GPC5: variants seen among roughly 807,000 people sequenced by gnomAD.
GPC5 encodes the protein glypican 5.
A neutral mutation model predicts 53.9 loss-of-function variants in GPC5; 47 were observed. The ratio of observed to expected loss-of-function variants is 0.87; its 90% CI spans 0.69 to 1.11. The LOEUF is 1.11. GPC5 is among the 50% of genes most tolerant of loss of function. GPC5 has a pLI of 0.00. For synonymous variants in GPC5, 286 were observed against 263.3 expected, an observed-to-expected ratio of 1.09 and a Z score of -0.84; for missense variants, 748 against 713.1, an observed-to-expected ratio of 1.05 and a Z score of -0.56.
At chr13:92,378,978 T>C (rs1315912841) in intron 7 of GPC5, among the ~76,000 whole-genome samples, 3 of 152,220 alleles carry the variant, frequency 2.0e-5, no homozygotes, top group African/African-American at 7.2e-5. Flanking sequence ...CCATATGATA[T>C]GCAGTCATAG....
chr13:92,470,704 A>AT (rs1236531725), intron 7 of GPC5, among the ~76,000 whole-genome samples: 1 of 152,078 alleles, frequency 6.6e-6, no homozygotes, highest in African/African-American at 2.4e-5. Flanking sequence ...AGAAATAAGT[A>AT]TTTTTTACTG....
intron 6 of GPC5, among the ~76,000 whole-genome samples, chr13:92,071,602 T>G (rs1439313295): frequency 1.3e-5 from 2 of 152,146 alleles, no homozygotes; most frequent in East Asian, 3.9e-4. Context: ...GTCATTTATA[T>G]GTCAATTCTT....
At chr13:91,734,343 C>T (rs1413228243) in intron 4 of GPC5, among the ~76,000 whole-genome samples, 6 of 151,252 alleles carry the variant, frequency 4.0e-5, no homozygotes, top group South Asian at 2.1e-4. Flanking sequence ...GGGGATTGTG[C>T]GATGGGTAAG....
intron 7 of GPC5, among the ~76,000 whole-genome samples, chr13:92,616,060 TCAAA>T (rs1345065838): frequency 3.3e-5 from 5 of 151,382 alleles, no homozygotes; most frequent in South Asian, 2.1e-4. Context: ...TCTCAAAAAA[TCAAA>T]CAAACAAACA....
chr13:92,154,745 A>T (rs1201812988), intron 7 of GPC5, among the ~76,000 whole-genome samples: 1 of 152,120 alleles, frequency 6.6e-6, no homozygotes, highest in Admixed American at 6.6e-5. Context: ...ATTGTCACAA[A>T]CCTGGAATGA....
intron 3 of GPC5, among the ~76,000 whole-genome samples, chr13:91,695,900 A>T (rs1456314069): frequency 1.3e-5 from 2 of 152,136 alleles, no homozygotes; most frequent in Non-Finnish European, 2.9e-5. Context: ...CCTGTAGAAA[A>T]TCTTCTGTGT....
chr13:92,430,871 C>T (rs963190471), intron 7 of GPC5, among the ~76,000 whole-genome samples: 10 of 151,882 alleles, frequency 6.6e-5, no homozygotes, highest in African/African-American at 2.2e-4. Context: ...AAATGTAAAG[C>T]TTTACATTTG....
intron 7 of GPC5, among the ~76,000 whole-genome samples, chr13:92,434,437 C>T (rs1291595016): frequency 6.6e-6 from 1 of 151,786 alleles, no homozygotes; most frequent in Non-Finnish European, 1.5e-5. Flanking sequence ...AGTTATAGTC[C>T]TATATACTAC....
chr13:91,463,633 C>A (rs1402445042), intron 2 of GPC5, among the ~76,000 whole-genome samples: 1 of 151,052 alleles, frequency 6.6e-6, no homozygotes, highest in Non-Finnish European at 1.5e-5. Flanking sequence ...CCACAACAGA[C>A]CTACACAAAT....
intron 7 of GPC5, among the ~76,000 whole-genome samples, chr13:92,221,536 T>A (rs2042448525): frequency 6.6e-6 from 1 of 152,128 alleles, no homozygotes; most frequent in African/African-American, 2.4e-5. Flanking sequence ...CTCTCCCACA[T>A]GGGCCACTTC....
At chr13:91,559,630 G>C (rs2031148609) in intron 2 of GPC5, among the ~76,000 whole-genome samples, 1 of 152,082 alleles carries the variant, frequency 6.6e-6, no homozygotes, top group African/African-American at 2.4e-5. Context: ...ACATGAAACT[G>C]GCTGTATTGA....
Position 92,438,523 on chromosome 13 carries a change from G to C in GPC5, c.1561+293534G>C, listed in dbSNP as rs548675675. Among the ~76,000 whole-genome samples, 196 of 151,892 alleles carry C rather than the reference G, an allele frequency of 1.3e-3. 1 individual carries two copies. The highest frequency in any genetic ancestry group is 4.6e-3 in the African/African-American group (189 of 41,444). ...TTGCATTGAGGGAGAGAAGAGCAAT[G>C]GGAAAACCTTTAAAGCTTTTAATCA... On this transcript the variant is annotated intron_variant, in intron 7 of 7. Transcript: ENST00000377067.
intron 7 of GPC5, among the ~76,000 whole-genome samples, chr13:92,209,130 T>G (rs1345371439): frequency 6.6e-6 from 1 of 152,256 alleles, no homozygotes; most frequent in Non-Finnish European, 1.5e-5. Context: ...ATACATAATT[T>G]ATATTACAAC....
At chr13:91,622,403 G>A (rs1305344732) in intron 2 of GPC5, among the ~76,000 whole-genome samples, 2 of 152,108 alleles carry the variant, frequency 1.3e-5, no homozygotes, top group Non-Finnish European at 2.9e-5. Flanking sequence ...TTCTACTTCA[G>A]AGTACATAAA....
At chr13:91,677,513 A>AACCTCAAGTCCCAGAGC (rs2035411044) in intron 2 of GPC5, among the ~76,000 whole-genome samples, 1 of 152,140 alleles carries the variant, frequency 6.6e-6, no homozygotes, top group Non-Finnish European at 1.5e-5. Flanking sequence ...AATAGACGAG[A>AACCTCAAGTCCCAGAGC]ACCTCAAGTC....
chr13:92,553,241 C>T (rs1882380229), intron 7 of GPC5, among the ~76,000 whole-genome samples: 1 of 152,022 alleles, frequency 6.6e-6, no homozygotes, highest in African/African-American at 2.4e-5. Flanking sequence ...TCTAGCCCAT[C>T]ATATCCAATA....
intron 6 of GPC5, among the ~76,000 whole-genome samples, chr13:91,922,301 C>CT (rs1459043987): frequency 2.0e-5 from 3 of 152,080 alleles, no homozygotes; most frequent in South Asian, 2.1e-4. Flanking sequence ...TAAATATAAA[C>CT]TTTTTTTAAA....
chr13:92,070,778 T>A (rs1240928441), intron 6 of GPC5, among the ~76,000 whole-genome samples: 3 of 152,238 alleles, frequency 2.0e-5, no homozygotes, highest in Non-Finnish European at 4.4e-5. Flanking sequence ...TATACTTTTG[T>A]TACTATTCAT....
intron 6 of GPC5, among the ~76,000 whole-genome samples, chr13:92,006,070 GA>G (rs1478759548): frequency 1.3e-5 from 2 of 152,156 alleles, no homozygotes; most frequent in African/African-American, 4.8e-5. Context: ...GTCACTTGGA[GA>G]AATACTTAGT....
Sources: allele counts gnomAD v4.1 joint callset (sites outside exome capture counted in the v4.1 genomes callset), GRCh38; gene constraint gnomAD v4.1.1; transcripts MANE v1.5; gene names NCBI Gene and HGNC (gene_info 2026-07-23, HGNC 2026-07-21).